Variants in TUSC3 observed in about 807,000 individuals in gnomAD.
TUSC3 encodes dolichyl-diphosphooligosaccharide--protein glycosyltransferase subunit TUSC3.
In TUSC3, 45 loss-of-function variants were observed where a neutral mutation model predicts 44.8. The observed-to-expected ratio is 1.00, with a 90% CI of 0.79 to 1.29. The LOEUF is 1.29. Ranked by LOEUF, TUSC3 falls within the 50% of genes most tolerant of loss-of-function variation. The probability of loss-of-function intolerance (pLI) is 0.00; values close to 1 mark genes in which losing one functional copy is unlikely to be tolerated. For missense variants in TUSC3, 519 were observed against 437.9 expected (o/e 1.19, Z -1.65); for synonymous variants, 212 against 152.9 (o/e 1.39, Z -2.85).
At chr8:15,754,445 G>T (rs187869422) in intron 9 of TUSC3, among the ~76,000 whole-genome samples, 1 of 152,120 alleles carries the variant, frequency 6.6e-6, no homozygotes, top group Non-Finnish European at 1.5e-5. Flanking sequence ...TCAACTGCTA[G>T]TACAGACACA....
chr8:15,562,032 A>C (rs572591300), intron 1 of TUSC3, among the ~76,000 whole-genome samples: 8 of 152,200 alleles, frequency 5.3e-5, no homozygotes, highest in East Asian at 3.9e-4. Flanking sequence ...TCCTCTCTTC[A>C]AAAATCAATT....
intron 5 of TUSC3, 89 bp from the exon 6 acceptor site, chr8:15,673,658 A>T (rs1808055598): frequency 8.9e-7 from 1 of 1,123,718 alleles, no homozygotes; most frequent in Non-Finnish European, 1.3e-6. Context: ...TTTTTAAAAG[A>T]TACTTTCATG....
intron 1 of TUSC3, 140 bp downstream of exon 1, chr8:15,540,708 G>GT: frequency 1.6e-6 from 2 of 1,223,950 alleles, no homozygotes; most frequent in Non-Finnish European, 2.2e-6. Context: ...AGCCGCGAGG[G>GT]TGGGAGGCCC....
At chr8:15,523,915 G>A (rs1801337943) in intron 2 of TUSC3, among the ~76,000 whole-genome samples, 1 of 151,256 alleles carries the variant, frequency 6.6e-6, no homozygotes, top group South Asian at 2.1e-4. Flanking sequence ...AATTAGCTGG[G>A]GGTGGTGGCG....
At chr8:15,652,300 G>C (rs2129176238) in intron 3 of TUSC3, among the ~76,000 whole-genome samples, 1 of 152,232 alleles carries the variant, frequency 6.6e-6, no homozygotes, top group Admixed American at 6.5e-5. Context: ...CACCATTAGT[G>C]AACATTTTTA....
chr8:15,734,146 G>T (rs1043989470), intron 7 of TUSC3, among the ~76,000 whole-genome samples: 2 of 152,162 alleles, frequency 1.3e-5, no homozygotes, highest in African/African-American at 4.8e-5. Flanking sequence ...TGTGTATTTT[G>T]TTTTCTTCTG....
chr8:15,472,190 T>C (rs1800502790), intron 1 of TUSC3, among the ~76,000 whole-genome samples: 1 of 152,178 alleles, frequency 6.6e-6, no homozygotes, highest in Non-Finnish European at 1.5e-5. Context: ...GAAAGTAAAA[T>C]ACAAGTCTTA....
In TUSC3 at chr8:15,434,194, C is replaced by G. The variant is rs923116720; in HGVS notation, n.91+16889C>G. On this transcript the variant is annotated intron_variant and non_coding_transcript_variant, in intron 1 of 5. Coordinates refer to the TUSC3 transcript ENST00000503191. ...TTCATGGTAGCTGTAATTTTTATTA[C>G]CCTAATTAATAATAATCATTTTATG... Among the ~76,000 whole-genome samples, 9 of 152,134 alleles carry G rather than the reference C, an allele frequency of 5.9e-5. No individual in the cohort carries two copies. The South Asian group carries it at 1.9e-3, about 32-fold the overall frequency.
At chr8:15,768,614 A>C (rs1812390834), downstream of TUSC3, among the ~76,000 whole-genome samples, 1 of 152,168 alleles carries the variant, frequency 6.6e-6, no homozygotes, top group African/African-American at 2.4e-5. Flanking sequence ...GTAAAGAGAT[A>C]AAAATTATAA....
chr8:15,735,891 G>GCT (rs539526479), intron 7 of TUSC3, among the ~76,000 whole-genome samples: 1 of 147,228 alleles, frequency 6.8e-6, no homozygotes, highest in South Asian at 2.1e-4. Flanking sequence ...TTGTTTTTTT[G>GCT]GTTTTTTTTT....
At chr8:15,575,548 C>G (rs967664854) in intron 1 of TUSC3, among the ~76,000 whole-genome samples, 1 of 152,100 alleles carries the variant, frequency 6.6e-6, no homozygotes, top group Admixed American at 6.6e-5. Flanking sequence ...AGGCAGATCA[C>G]CTGAGGTCAG....
At chr8:15,646,506 CTT>C (rs1186500400) in intron 2 of TUSC3, among the ~76,000 whole-genome samples, 1 of 151,964 alleles carries the variant, frequency 6.6e-6, no homozygotes, top group Non-Finnish European at 1.5e-5. Context: ...AATTCATGCT[CTT>C]TGACTCCCCA....
the TUSC3 span, among the ~76,000 whole-genome samples, chr8:15,794,520 C>T: frequency 6.6e-6 from 1 of 152,114 alleles, no homozygotes; most frequent in Non-Finnish European, 1.5e-5. Flanking sequence ...AGCTGGCCAC[C>T]ATTTCAGGAA....
At chr8:15,810,725 T>A in the TUSC3 span, among the ~76,000 whole-genome samples, 1 of 152,186 alleles carries the variant, frequency 6.6e-6, no homozygotes, top group African/African-American at 2.4e-5. Flanking sequence ...GGCTGCCACA[T>A]GGCCAGCAGA....
the TUSC3 span, among the ~76,000 whole-genome samples, chr8:15,792,556 A>C: frequency 3.3e-5 from 5 of 152,122 alleles, no homozygotes; most frequent in Non-Finnish European, 7.4e-5. Flanking sequence ...CACTGCTGAC[A>C]ATCATACTGC....
intron 2 of TUSC3, among the ~76,000 whole-genome samples, chr8:15,529,191 GT>G (rs1801419564): frequency 2.0e-5 from 3 of 152,092 alleles, no homozygotes; most frequent in Non-Finnish European, 4.4e-5. Flanking sequence ...GGTGCATGCT[GT>G]TCAGTACCAT....
intron 1 of TUSC3, among the ~76,000 whole-genome samples, chr8:15,592,629 T>A (rs750195661): frequency 1.3e-5 from 2 of 152,166 alleles, no homozygotes; most frequent in Non-Finnish European, 2.9e-5. Flanking sequence ...TGAGGCCTCA[T>A]CAGAAGCCAA....
intron 2 of TUSC3, among the ~76,000 whole-genome samples, chr8:15,637,419 T>C (rs997343240): frequency 2.6e-5 from 4 of 152,286 alleles, no homozygotes; most frequent in Admixed American, 1.3e-4. Flanking sequence ...AACTGTGATA[T>C]ATCGTCTTTT....
intron 1 of TUSC3, among the ~76,000 whole-genome samples, chr8:15,442,958 C>G (rs950513379): frequency 6.6e-6 from 1 of 152,092 alleles, no homozygotes; most frequent in Non-Finnish European, 1.5e-5. Flanking sequence ...GTTGGTTAAG[C>G]TAGTTATGCA....
Sources: gnomAD v4.1 joint callset for allele counts (sites outside exome capture counted in the v4.1 genomes callset) on GRCh38, gnomAD v4.1.1 for gene constraint, MANE v1.5 for transcripts, NCBI Gene and HGNC (gene_info 2026-07-23, HGNC 2026-07-21) for gene names.